The following CSMD3 variants were observed in gnomAD, a reference collection of about 807,000 sequenced individuals.
CSMD3 encodes the protein CUB and sushi domain-containing protein 3.
CSMD3 carries 177 observed loss-of-function variants against 435.2 expected under a neutral mutation model. That is an observed-to-expected ratio of 0.41 (90% CI 0.36 to 0.46). The LOEUF is 0.46. Among genes scored for constraint, CSMD3 ranks in the 20% least tolerant of loss-of-function variants. CSMD3 has a pLI of 0.34. For synonymous variants in CSMD3, 1,656 were observed against 1,520.5 expected (o/e 1.09, Z -2.07); for missense variants, 4,265 against 4,504.6 (o/e 0.95, Z 1.52).
intron 58 of CSMD3, among the ~76,000 whole-genome samples, chr8:112,285,859 C>T (rs992572034): frequency 6.6e-6 from 1 of 152,030 alleles, no homozygotes; most frequent in African/African-American, 2.4e-5. Context: ...GCTAGGACTA[C>T]AGGCATATGC....
chr8:113,287,521 T>A (rs952453231), intron 2 of CSMD3, among the ~76,000 whole-genome samples: 7 of 152,046 alleles, frequency 4.6e-5, no homozygotes, highest in Non-Finnish European at 8.8e-5. Context: ...AACATTTGAA[T>A]AATTGTATCA....
At chr8:112,657,046 T>C (rs999899737) in intron 17 of CSMD3, among the ~76,000 whole-genome samples, 1 of 149,786 alleles carries the variant, frequency 6.7e-6, no homozygotes, top group Non-Finnish European at 1.5e-5. Flanking sequence ...CCTTAAAAAC[T>C]TTTTTTTCTT....
At chr8:112,927,258 CA>C (rs967997731) in intron 9 of CSMD3, among the ~76,000 whole-genome samples, 3 of 147,418 alleles carry the variant, frequency 2.0e-5, no homozygotes, top group Admixed American at 6.7e-5. Context: ...TTAAGATTAG[CA>C]AAAAAAAAGT....
intron 1 of CSMD3, among the ~76,000 whole-genome samples, chr8:113,406,652 G>T (rs1365350526): frequency 6.6e-6 from 1 of 151,898 alleles, no homozygotes; most frequent in Non-Finnish European, 1.5e-5. Flanking sequence ...GGTGTGCAGA[G>T]AATTGTTATT....
chr8:113,250,874 C>T (rs902618104), intron 3 of CSMD3, among the ~76,000 whole-genome samples: 1 of 151,748 alleles, frequency 6.6e-6, no homozygotes, highest in Admixed American at 6.6e-5. Context: ...TTCTAGCCAG[C>T]GCGGAAGACA....
At chr8:112,413,849 T>C (rs1186469795) in intron 32 of CSMD3, among the ~76,000 whole-genome samples, 2 of 152,178 alleles carry the variant, frequency 1.3e-5, no homozygotes, top group Admixed American at 1.3e-4. Context: ...ACTATTTTAC[T>C]TCTGTGTCTG....
At chr8:113,376,549 C>G (rs1298802914) in intron 1 of CSMD3, 1 of 603,556 alleles carries the variant, frequency 1.7e-6, no homozygotes, top group Admixed American at 2.9e-5. Context: ...ATTATTTATG[C>G]GTTTGTTGTC....
At chr8:112,263,235 T>C (rs1460102694) in intron 61 of CSMD3, among the ~76,000 whole-genome samples, 1 of 151,926 alleles carries the variant, frequency 6.6e-6, no homozygotes, top group Non-Finnish European at 1.5e-5. Context: ...ATCATTATCA[T>C]GACAAATGCC....
At chr8:113,286,689 T>C (rs1197108560) in intron 2 of CSMD3, among the ~76,000 whole-genome samples, 1 of 149,870 alleles carries the variant, frequency 6.7e-6, no homozygotes, top group Non-Finnish European at 1.5e-5. Flanking sequence ...ACCACACATA[T>C]ACATTCTCTA....
intron 4 of CSMD3, among the ~76,000 whole-genome samples, chr8:113,100,267 TAA>T (rs1370045079): frequency 6.6e-6 from 1 of 152,122 alleles, no homozygotes; most frequent in Non-Finnish European, 1.5e-5. Flanking sequence ...CTTTCTCTCT[TAA>T]GTTTGTTAGA....
At chr8:113,212,937 G>A (rs1364061073) in intron 3 of CSMD3, among the ~76,000 whole-genome samples, 1 of 148,866 alleles carries the variant, frequency 6.7e-6, no homozygotes, top group African/African-American at 2.5e-5. Flanking sequence ...CAAGTTAGAT[G>A]TACCTAACCT....
intron 2 of CSMD3, among the ~76,000 whole-genome samples, chr8:113,301,628 C>A (rs1348146403): frequency 6.6e-6 from 1 of 151,708 alleles, no homozygotes; most frequent in African/African-American, 2.4e-5. Context: ...ATATATGTGA[C>A]ACTTGTGATT....
At chr8:112,767,735 T>C (rs1335426643) in intron 13 of CSMD3, among the ~76,000 whole-genome samples, 1 of 151,842 alleles carries the variant, frequency 6.6e-6, no homozygotes, top group Non-Finnish European at 1.5e-5. Context: ...TATCCACTTA[T>C]GTATCTACTC....
intron 3 of CSMD3, among the ~76,000 whole-genome samples, chr8:113,189,719 G>T (rs2092557441): frequency 6.6e-6 from 1 of 151,688 alleles, no homozygotes; most frequent in Non-Finnish European, 1.5e-5. Context: ...ATGGAATCTT[G>T]CAAGAAATGT....
chr8:112,716,676 T>C (rs1011851914), intron 13 of CSMD3, among the ~76,000 whole-genome samples: 1 of 152,108 alleles, frequency 6.6e-6, no homozygotes, highest in African/African-American at 2.4e-5. Context: ...CTTCAAACTA[T>C]ACTACAAGGC....
intron 32 of CSMD3, among the ~76,000 whole-genome samples, chr8:112,430,853 G>T (rs1428869180): frequency 2.0e-5 from 3 of 151,396 alleles, no homozygotes; most frequent in Non-Finnish European, 4.4e-5. Context: ...GTCAACAGAG[G>T]GAAAAGGGAT....
At chr8:112,854,721 A>G (rs1372092285) in intron 11 of CSMD3, among the ~76,000 whole-genome samples, 2 of 152,214 alleles carry the variant, frequency 1.3e-5, no homozygotes, top group Non-Finnish European at 2.9e-5. Flanking sequence ...GCTCTGTGAT[A>G]AAGTACAGAA....
intron 10 of CSMD3, among the ~76,000 whole-genome samples, chr8:112,874,577 G>A (rs1321551341): frequency 2.0e-5 from 3 of 152,080 alleles, no homozygotes; most frequent in African/African-American, 7.2e-5. Flanking sequence ...TTATGAATCT[G>A]AGTTCTCCTG....
intron 1 of CSMD3, among the ~76,000 whole-genome samples, chr8:113,317,411 G>T (rs2093918486): frequency 6.6e-6 from 1 of 152,104 alleles, no homozygotes; most frequent in Admixed American, 6.5e-5. Flanking sequence ...TTTAGAAAAA[G>T]GACATATGTC....
Sources: gnomAD v4.1 joint callset for allele counts (sites outside exome capture counted in the v4.1 genomes callset) on GRCh38, gnomAD v4.1.1 for gene constraint, MANE v1.5 for transcripts, NCBI Gene and HGNC (gene_info 2026-07-23, HGNC 2026-07-21) for gene names.